KCNQ1OT1: variants seen among roughly 807,000 people sequenced by gnomAD.
KCNQ1OT1 encodes KCNQ1 antisense RNA 2 (non-protein coding).
chr11:2,642,536 G>T lies in KCNQ1OT1; in HGVS notation n.57459C>A, dbSNP rs1439899317. 8 of 397,188 alleles carry T rather than the reference G, an allele frequency of 2.0e-5. No individual in the cohort carries two copies. The highest frequency in any genetic ancestry group is 1.3e-4 in the South Asian group (1 of 7,806). 24.6% of individuals were successfully genotyped at this position (397,188 alleles called of 1,614,324 possible). A position where few individuals can be genotyped will look rare whatever the true frequency, so the allele number is the denominator to read the frequency against. On this transcript the variant is annotated non_coding_transcript_exon_variant, in exon 1 of 1. Coordinates refer to ENST00000597346, the Ensembl canonical transcript of KCNQ1OT1. The surrounding 1 kb of genome is among the most constrained non-coding windows in gnomAD (Gnocchi z 4.3). ...TTGTAATATCCCCTTTTTCATTTTTGATTTTATTCATGTAGGTCTTCTCTC... is the reference window on the plus strand; with the variant it reads ...TTGTAATATCCCCTTTTTCATTTTTTATTTTATTCATGTAGGTCTTCTCTC...
At chr11:2,643,225 G>A (rs1849606712) in exon 1 of KCNQ1OT1, 5 of 398,068 alleles carry the variant, frequency 1.3e-5, no homozygotes, top group Non-Finnish European at 2.2e-5. Flanking sequence ...TTAATTTTTT[G>A]TCTAGATGAT....
chr11:2,619,287 T>C, exon 1 of KCNQ1OT1: 1 of 398,514 alleles, frequency 2.5e-6, no homozygotes, highest in Non-Finnish European at 4.4e-6. Flanking sequence ...TTTTCCCTCA[T>C]TGATTATAAC....
Position 2,608,830 on chromosome 11 carries a change from G to T in KCNQ1OT1, n.91165C>A. ...ATTTGTAAAACTGTCATTCATTTCT[G>T]ATTTTAGTAATTTGAGTTTTCTCTC... On this transcript the variant is annotated non_coding_transcript_exon_variant, in exon 1 of 1. Transcript: ENST00000597346. This position sits in a 1 kb window ranked among gnomAD's most constrained non-coding sequence, Gnocchi z 4.6. The T allele has an allele frequency of 2.5e-6, 1 of 398,322 alleles. No homozygotes were observed. Among genetic ancestry groups the T allele is most frequent in the Non-Finnish European group, 4.4e-6 (1 of 226,012 alleles). 24.7% of individuals were successfully genotyped at this position (398,322 alleles called of 1,614,324 possible). A position where few individuals can be genotyped will look rare whatever the true frequency, so the allele number is the denominator to read the frequency against.
Position 2,679,212 on chromosome 11 carries a change from T to C in KCNQ1OT1, n.20783A>G, listed in dbSNP as rs762408710. The C allele has an allele frequency of 3.3e-5, 13 of 398,500 alleles. No individual in the cohort carries two copies. The highest frequency in any genetic ancestry group is 5.3e-5 in the Non-Finnish European group (12 of 226,078). The allele number at this position is 398,500 out of a possible 1,614,324, so 24.7% of individuals were successfully genotyped here. ...ACCTGTAACAATGCAGCCCCATCCA[T>C]GTGAAGCTGGTCCAGAGGACTACAG... On this transcript the variant is annotated non_coding_transcript_exon_variant, in exon 1 of 1. Transcript: ENST00000597346. This position sits in a 1 kb window ranked among gnomAD's most constrained non-coding sequence, Gnocchi z 4.8.
At chr11:2,667,267 C>T in exon 1 of KCNQ1OT1, 1 of 398,630 alleles carries the variant, frequency 2.5e-6, no homozygotes, top group Non-Finnish European at 4.4e-6. Flanking sequence ...AAGCGGCTGG[C>T]CTAGGGCTGC....
chr11:2,653,129 G>A lies in KCNQ1OT1; in HGVS notation n.46866C>T. On this transcript the variant is annotated non_coding_transcript_exon_variant, in exon 1 of 1. Transcript: ENST00000597346. This position sits in a 1 kb window ranked among gnomAD's most constrained non-coding sequence, Gnocchi z 5.3. ...TGAAGGTTTGGGGAGATGAGGACTT[G>A]CATCACAGCAGTAGAAAGCCAATGT... 2 of 398,732 alleles carry A rather than the reference G, an allele frequency of 5.0e-6. No individual in the cohort carries two copies. The highest frequency in any genetic ancestry group is 7.1e-5 in the East Asian group (2 of 28,076). The allele number at this position is 398,732 out of a possible 1,614,324, so 24.7% of individuals were successfully genotyped here.
chr11:2,699,656 G>A, exon 1 of KCNQ1OT1: 1 of 353,304 alleles, frequency 2.8e-6, no homozygotes. Context: ...CCGCGCCGAA[G>A]AACCCCCGGG....
chr11:2,633,856 C>T lies in KCNQ1OT1; in HGVS notation n.66139G>A, dbSNP rs113187345. On this transcript the variant is annotated non_coding_transcript_exon_variant, in exon 1 of 1. Coordinates refer to ENST00000597346, the Ensembl canonical transcript of KCNQ1OT1. Reference sequence around the variant, plus strand: ...GTCCCAGAGTCAGCCCTGTGTAATGCGCATATACAAAATGTCAGTCATCTG... The same window carrying T: ...GTCCCAGAGTCAGCCCTGTGTAATGTGCATATACAAAATGTCAGTCATCTG... The T allele has an allele frequency of 2.1e-4, 82 of 398,540 alleles. 1 individual carries two copies. The highest frequency in any genetic ancestry group is 1.5e-3 in the African/African-American group (72 of 48,732). The allele number at this position is 398,540 out of a possible 1,614,324, so 24.7% of individuals were successfully genotyped here.
exon 1 of KCNQ1OT1, chr11:2,648,676 C>T (rs1188865552): frequency 3.5e-5 from 14 of 398,252 alleles, no homozygotes; most frequent in South Asian, 2.6e-4. Flanking sequence ...TATTGAGACC[C>T]GTTTTGTGTC....
Position 2,651,644 on chromosome 11 carries a change from T to C in KCNQ1OT1, n.48351A>G. 1 of 398,698 alleles carries C rather than the reference T, an allele frequency of 2.5e-6. No homozygotes were observed. Among genetic ancestry groups the C allele is most frequent in the Non-Finnish European group, 4.4e-6 (1 of 226,100 alleles). 24.7% of individuals were successfully genotyped at this position (398,698 alleles called of 1,614,324 possible). A position where few individuals can be genotyped will look rare whatever the true frequency, so the allele number is the denominator to read the frequency against. ...CTGCCTGCCCCACCTGGGGTCTCTG[T>C]CTCTCCCACAGCTCACTGACATTAG... On this transcript the variant is annotated non_coding_transcript_exon_variant, in exon 1 of 1. Coordinates refer to ENST00000597346, the Ensembl canonical transcript of KCNQ1OT1. The surrounding 1 kb of genome is among the most constrained non-coding windows in gnomAD (Gnocchi z 6.1).
exon 1 of KCNQ1OT1, chr11:2,681,385 G>A (rs1344949412): frequency 2.5e-6 from 1 of 398,400 alleles, no homozygotes; most frequent in East Asian, 3.6e-5. Context: ...TGGCTCTTGG[G>A]GCTGGGGTGA....
At chr11:2,665,055 G>C in exon 1 of KCNQ1OT1, 1 of 398,486 alleles carries the variant, frequency 2.5e-6, no homozygotes, top group Non-Finnish European at 4.4e-6. Context: ...TGCAAGCTAG[G>C]GAGTCATGAC....
exon 1 of KCNQ1OT1, chr11:2,644,040 C>T (rs984989363): frequency 2.0e-5 from 8 of 398,340 alleles, no homozygotes; most frequent in Non-Finnish European, 3.5e-5. Context: ...CTCTCTTTGT[C>T]TTGGGATGGG....
At chr11:2,693,556 C>A (rs1403088728) in exon 1 of KCNQ1OT1, 15 of 398,550 alleles carry the variant, frequency 3.8e-5, no homozygotes, top group Non-Finnish European at 6.2e-5. Flanking sequence ...GAGCCCAAGG[C>A]TTTTCGGAGG....
rs192427542 is a variant in KCNQ1OT1 at position 2,663,897 on chromosome 11, G to T, written n.36098C>A. On this transcript the variant is annotated non_coding_transcript_exon_variant, in exon 1 of 1. Coordinates refer to ENST00000597346, the Ensembl canonical transcript of KCNQ1OT1. The surrounding 1 kb of genome is among the most constrained non-coding windows in gnomAD (Gnocchi z 5.2). ...CCCAAGGGTGACCCCAAGCCAGTGT[G>T]GCTGTGTCATCTAGGACACTGGGCT... 2.5e-5 allele frequency: 10 copies of T among 398,584 alleles called. No individual in the cohort carries two copies. The Admixed American group carries it at 4.0e-4, about 16-fold the overall frequency. 24.7% of individuals were successfully genotyped at this position (398,584 alleles called of 1,614,324 possible).
rs1850657155 is a variant in KCNQ1OT1 at position 2,695,415 on chromosome 11, A to G, written n.4580T>C. ...TTTTAATTTAAATACACAGTCATGT[A>G]CTGAGGCCCTCTTTCTGTTTGGCAT... is the stretch of plus-strand genomic sequence containing the variant. On this transcript the variant is annotated non_coding_transcript_exon_variant, in exon 1 of 1. Transcript: ENST00000597346. The surrounding 1 kb of genome is among the most constrained non-coding windows in gnomAD (Gnocchi z 5.2). 2.5e-6 allele frequency: 1 copy of G among 398,482 alleles called. No individual in the cohort carries two copies. The highest frequency in any genetic ancestry group is 2.1e-5 in the African/African-American group (1 of 48,596). 24.7% of individuals were successfully genotyped at this position (398,482 alleles called of 1,614,324 possible).
Position 2,671,449 on chromosome 11 carries a change from G to A in KCNQ1OT1, n.28546C>T, listed in dbSNP as rs1183647101. On this transcript the variant is annotated non_coding_transcript_exon_variant, in exon 1 of 1. Coordinates refer to ENST00000597346, the Ensembl canonical transcript of KCNQ1OT1. The surrounding 1 kb of genome is among the most constrained non-coding windows in gnomAD (Gnocchi z 4.7). ...GATTCTCCCACTTTAGCAGGCAGAA[G>A]AGCAACCCAGCAGGGGATATACACA... is the stretch of plus-strand genomic sequence containing the variant. 1 of 398,506 alleles carries A rather than the reference G, an allele frequency of 2.5e-6. No homozygotes were observed. The highest frequency in any genetic ancestry group is 4.4e-6 in the Non-Finnish European group (1 of 226,082). The allele number at this position is 398,506 out of a possible 1,614,324, so 24.7% of individuals were successfully genotyped here.
At chr11:2,614,730 T>C in exon 1 of KCNQ1OT1, 1 of 398,466 alleles carries the variant, frequency 2.5e-6, no homozygotes. Context: ...TCCATTGGTC[T>C]ATATGTCCAT....
chr11:2,615,239 TA>T, exon 1 of KCNQ1OT1: 1 of 398,188 alleles, frequency 2.5e-6, no homozygotes, highest in Non-Finnish European at 4.4e-6. Flanking sequence ...TTTCTTAAAA[TA>T]AATGTTGAAC....
Sources: allele counts gnomAD v4.1 joint callset, GRCh38; gene constraint gnomAD v4.1.1; non-coding constraint Gnocchi (gnomAD v3.1); transcripts MANE v1.5; gene names NCBI Gene and HGNC (gene_info 2026-07-23, HGNC 2026-07-21).